Variants in POLR2D observed in about 807,000 individuals in gnomAD.
The protein encoded by POLR2D is RNA polymerase II subunit D, also known as DNA-directed RNA polymerase II subunit RPB4.
Under a neutral mutation model 17.6 loss-of-function variants are expected in POLR2D, and 10 were observed. That is an observed-to-expected ratio of 0.57 (90% confidence interval 0.35 to 0.96). The LOEUF is 0.96. Among genes scored for constraint, POLR2D ranks in the 40% least tolerant of loss-of-function variants. The probability of loss-of-function intolerance (pLI) is 0.02; values close to 1 mark genes in which losing one functional copy is unlikely to be tolerated. For missense variants in POLR2D, 126 were observed against 176.4 expected, an observed-to-expected ratio of 0.71 and a Z score of 1.62; for synonymous variants, 52 against 60.2, an observed-to-expected ratio of 0.86 and a Z score of 0.63.
chr2:127,857,827 CATAAA>C, intron 1 of POLR2D, 196 bp downstream of exon 1: 1 of 1,318,272 alleles, frequency 7.6e-7, no homozygotes, highest in Non-Finnish European at 9.6e-7. Context: ...CAGTTTATCA[CATAAA>C]ATAACCCAGT....
intron 1 of POLR2D, among the ~76,000 whole-genome samples, chr2:127,855,301 G>C (rs1393098843): frequency 6.7e-6 from 1 of 149,814 alleles, no homozygotes; most frequent in African/African-American, 2.5e-5. Context: ...GCCGAGGCAG[G>C]AGAATTGCTT....
At position 127,844,107 on chromosome 2, in the gene POLR2D, CA is replaced by C. The variant is rs76109896; in HGVS notation, c.*3999del. 2.1e-3 allele frequency: 143 copies of C among 69,470 alleles called. No individual in the cohort carries two copies. In the East Asian group the frequency reaches 0.021, roughly 10 times the overall value. The allele number at this position is 69,470 out of a possible 1,614,324, so 4.3% of individuals were successfully genotyped here. On this transcript the variant is annotated 3_prime_UTR_variant, in exon 4 of 4. Transcript: ENST00000272645. ...CGACAGAGCAAGATCCTGCTGTATC[CA>C]AAAAAAAAAAAAAAAAAAGCCTGGT...
rs11674513 is a variant in POLR2D at position 127,846,114 on chromosome 2, G to A, written c.*1993C>T. The stretch of plus-strand genomic sequence containing the variant: ...TAAAAACACAAAAAATTAGCCAGGC[G>A]TGGTGGCAGGTACCTGTAATCCCAG... On this transcript the variant is annotated 3_prime_UTR_variant, in exon 4 of 4. Transcript: ENST00000272645. The A allele has an allele frequency of 0.15, 22,676 of 152,060 alleles. 2,159 individuals are homozygous for A. Among genetic ancestry groups the A allele is most frequent in the African/African-American group, 0.27 (11,245 of 41,392 alleles). The allele number at this position is 152,060 out of a possible 1,614,324, so 9.4% of individuals were successfully genotyped here.
intron 3 of POLR2D, 150 bp downstream of exon 3, chr2:127,850,440 C>CAAAAAAAAAAAAAAAAAAAAAAAAA (rs60975701): frequency 9.6e-6 from 1 of 104,384 alleles, no homozygotes; most frequent in African/African-American, 7.5e-5. Flanking sequence ...AACTCCGTCT[C>CAAAAAAAAAAAAAAAAAAAAAAAAA]AAAAAAAAAA....
rs1248983992 is a variant in POLR2D at position 127,858,150 on chromosome 2, C to A, written c.-50G>T. 2.2e-6 allele frequency: 3 copies of A among 1,349,676 alleles called. No homozygotes were observed. Among genetic ancestry groups the A allele is most frequent in the African/African-American group, 1.5e-5 (1 of 64,544 alleles). 83.6% of individuals were successfully genotyped at this position (1,349,676 alleles called of 1,614,324 possible). A position where few individuals can be genotyped will look rare whatever the true frequency, so the allele number is the denominator to read the frequency against. On this transcript the variant is annotated 5_prime_UTR_variant, in exon 1 of 4. Coordinates refer to ENST00000272645, the MANE Select transcript of POLR2D (RefSeq NM_004805.4). Reference sequence around the variant, plus strand: ...ACCAGCGCCGCCGGAAGCAGAAGCGCGGAGCAACGGCCGCGGAAGGGGCGT... The same window carrying A: ...ACCAGCGCCGCCGGAAGCAGAAGCGAGGAGCAACGGCCGCGGAAGGGGCGT...
rs1286615055 is a variant in POLR2D, at chr2:127,854,711, T to C, written c.74-1606A>G. On this transcript the variant is annotated intron_variant, in intron 1 of 3. Transcript: ENST00000272645. The stretch of plus-strand genomic sequence containing the variant: ...GCACTATTGAAATAAAATTAAAATA[T>C]AAATTAAAAAATAGGTAACCAAAAA... Among the ~76,000 whole-genome samples, 4 of 152,166 alleles carry C rather than the reference T, an allele frequency of 2.6e-5. No homozygotes were observed. The East Asian group carries it at 7.7e-4, about 29-fold the overall frequency.
In POLR2D at chr2:127,858,090, C is replaced by G. The variant is rs1050402771; in HGVS notation, c.11G>C (p.Gly4Ala). The G allele has an allele frequency of 2.0e-6, 3 of 1,515,548 alleles. No individual in the cohort carries two copies. Among genetic ancestry groups the G allele is most frequent in the Admixed American group, 4.4e-5 (2 of 45,920 alleles). 93.9% of individuals were successfully genotyped at this position (1,515,548 alleles called of 1,614,324 possible). Residue 4 changes from glycine to alanine, a missense_variant, in exon 1 of 4, where the codon GGT becomes GCT. Gly to Ala is a moderately conservative substitution (Grantham distance 60). Around this residue, in one of 2 missense-constraint regions of POLR2D, gnomAD observed 41 missense variants for 24.9 expected, o/e 1.64. Coordinates refer to ENST00000272645, the MANE Select transcript of POLR2D (RefSeq NM_004805.4). MAA[G>A]GSDPRAGDVE... ...GTCGCCAGCCCGCGGATCGCTGCCA[C>G]CCGCCGCCATCGCCGCGCCGCGCCG... is the stretch of plus-strand genomic sequence containing the variant.
At chr2:127,856,943 G>A (rs575685376) in intron 1 of POLR2D, 2 of 152,264 alleles carry the variant, frequency 1.3e-5, no homozygotes, top group East Asian at 3.9e-4. Flanking sequence ...GGCTGAGGCA[G>A]GATAATCACT....
At chr2:127,857,556 G>C (rs558396784) in intron 1 of POLR2D, among the ~76,000 whole-genome samples, 184 of 152,284 alleles carry the variant, frequency 1.2e-3, no homozygotes, top group Non-Finnish European at 1.8e-3. Context: ...AACAAACCAA[G>C]CTGCGTTCAC....
rs1209550005 is a variant in POLR2D, at chr2:127,845,579, T to G, written c.*2528A>C. On this transcript the variant is annotated 3_prime_UTR_variant, in exon 4 of 4. Coordinates refer to ENST00000272645, the MANE Select transcript of POLR2D (RefSeq NM_004805.4). ...AAGTAGAGACGGGGTTTCTCCATGT[T>G]GGTCAGGATGGTCTCAAACTCCCAA... The G allele has an allele frequency of 2.0e-5, 3 of 151,972 alleles. No homozygotes were observed. The highest frequency in any genetic ancestry group is 2.0e-4 in the Admixed American group (3 of 15,234). 9.4% of individuals were successfully genotyped at this position (151,972 alleles called of 1,614,324 possible).
In POLR2D at chr2:127,844,489, G is replaced by A. The variant is rs1690118458; in HGVS notation, c.*3618C>T. 1.3e-5 allele frequency: 2 copies of A among 152,086 alleles called. No individual in the cohort carries two copies. 9.4% of individuals were successfully genotyped at this position (152,086 alleles called of 1,614,324 possible). A position where few individuals can be genotyped will look rare whatever the true frequency, so the allele number is the denominator to read the frequency against. ...TACACAGTACAATGAGCCTAACAAT[G>A]TTTCACAAATTGTGCAAGGTCTCCT... On this transcript the variant is annotated 3_prime_UTR_variant, in exon 4 of 4. Transcript: ENST00000272645.
rs903878781 is a variant in POLR2D, at chr2:127,844,890, G to C, written c.*3217C>G. On this transcript the variant is annotated 3_prime_UTR_variant, in exon 4 of 4. Coordinates refer to ENST00000272645, the MANE Select transcript of POLR2D (RefSeq NM_004805.4). ...GCTGGTCTCGAACTTCTGACCTCTG[G>C]TGATCCACCCGCCTCGGCCTCCCAA... 6.6e-6 allele frequency: 1 copy of C among 152,180 alleles called. No homozygotes were observed. Among genetic ancestry groups the C allele is most frequent in the Non-Finnish European group, 1.5e-5 (1 of 68,064 alleles). 9.4% of individuals were successfully genotyped at this position (152,180 alleles called of 1,614,324 possible).
In POLR2D at chr2:127,846,575, G is replaced by A. The variant is rs1195183730; in HGVS notation, c.*1532C>T. The A allele has an allele frequency of 6.6e-6, 1 of 152,024 alleles. No homozygotes were observed. The highest frequency in any genetic ancestry group is 1.9e-4 in the East Asian group (1 of 5,194). 9.4% of individuals were successfully genotyped at this position (152,024 alleles called of 1,614,324 possible). A position where few individuals can be genotyped will look rare whatever the true frequency, so the allele number is the denominator to read the frequency against. Reference sequence around the variant, plus strand: ...ACTTATTGCTAATTAGCAGGCCAGAGGCTTAGACTGGATCTCTCATAATTG... The same window carrying A: ...ACTTATTGCTAATTAGCAGGCCAGAAGCTTAGACTGGATCTCTCATAATTG... On this transcript the variant is annotated 3_prime_UTR_variant, in exon 4 of 4. Coordinates refer to ENST00000272645, the MANE Select transcript of POLR2D (RefSeq NM_004805.4).
chr2:127,851,771 G>C (rs909494720), intron 2 of POLR2D, among the ~76,000 whole-genome samples: 1 of 152,172 alleles, frequency 6.6e-6, no homozygotes, highest in South Asian at 2.1e-4. Flanking sequence ...GCTGGACATG[G>C]TGGCTTACCT....
intron 2 of POLR2D, among the ~76,000 whole-genome samples, chr2:127,851,353 A>T (rs1403813643): frequency 6.6e-6 from 1 of 152,192 alleles, no homozygotes; most frequent in Non-Finnish European, 1.5e-5. Context: ...TGGGAGGTGG[A>T]GGTTGCAGTG....
In POLR2D at chr2:127,852,909, TTC is replaced by T. The variant is rs1690273821; in HGVS notation, c.254+14_254+15del. ...CCAATGGTTTGGATTAATAAAAACT[TTC>T]TTTTAGCACTCACCTACGAACACTG... On this transcript the variant is annotated intron_variant, in intron 2 of 3. Transcript: ENST00000272645. The surrounding 1 kb of genome is among the most constrained non-coding windows in gnomAD (Gnocchi z 4.0). 6.3e-7 allele frequency: 1 copy of T among 1,594,956 alleles called. No homozygotes were observed. Among genetic ancestry groups the T allele is most frequent in the African/African-American group, 1.3e-5 (1 of 74,130 alleles).
intron 3 of POLR2D, among the ~76,000 whole-genome samples, chr2:127,849,844 G>C (rs1303523992): frequency 6.6e-6 from 1 of 152,012 alleles, no homozygotes; most frequent in East Asian, 1.9e-4. Flanking sequence ...CCAGAAGTTT[G>C]AGACCAGCCT....
At chr2:127,848,690 G>A (rs868415082) in intron 3 of POLR2D, among the ~76,000 whole-genome samples, 1 of 151,806 alleles carries the variant, frequency 6.6e-6, no homozygotes, top group African/African-American at 2.4e-5. Context: ...CTAATTTTTT[G>A]TATTTTTAGT....
chr2:127,850,332 C>T (rs1354004875), intron 3 of POLR2D, among the ~76,000 whole-genome samples: 7 of 146,502 alleles, frequency 4.8e-5, no homozygotes, highest in Non-Finnish European at 7.4e-5. Context: ...CCCAGCTACT[C>T]GGGAGGCTGA....
Sources: gnomAD v4.1 joint callset for allele counts (sites outside exome capture counted in the v4.1 genomes callset) on GRCh38, gnomAD v4.1.1 for gene constraint, gnomAD v4.1.1 regional missense constraint, Gnocchi (gnomAD v3.1) non-coding constraint, MANE v1.5 for transcripts, NCBI Gene and HGNC (gene_info 2026-07-23, HGNC 2026-07-21) for gene names.